COLEC12: variants seen among roughly 807,000 people sequenced by gnomAD.
COLEC12 encodes the protein collectin subfamily member 12.
COLEC12 carries 33 observed loss-of-function variants against 71.1 expected under a neutral mutation model. The observed-to-expected ratio is 0.46, with a 90% CI of 0.35 to 0.62. The LOEUF (loss-of-function observed/expected upper bound fraction) is 0.62. Ranked by LOEUF, COLEC12 falls within the 20% of genes least tolerant of loss-of-function variation. The pLI is 0.00. For synonymous variants in COLEC12, 350 were observed against 353.0 expected (o/e 0.99, Z 0.10); for missense variants, 765 against 916.1 (o/e 0.84, Z 2.13).
At chr18:460,311 G>GTTTTTT (rs1916956817) in intron 2 of COLEC12, among the ~76,000 whole-genome samples, 2 of 151,172 alleles carry the variant, frequency 1.3e-5, no homozygotes, top group African/African-American at 4.9e-5. Context: ...TATGGACTTT[G>GTTTTTT]TGTCACCTTT....
At chr18:371,018 C>T (rs1250612633) in intron 2 of COLEC12, among the ~76,000 whole-genome samples, 4 of 152,218 alleles carry the variant, frequency 2.6e-5, no homozygotes, top group Admixed American at 2.0e-4. Context: ...CTGGACTTCA[C>T]AGCCCTCACT....
At chr18:440,109 G>A (rs1193024840) in intron 2 of COLEC12, among the ~76,000 whole-genome samples, 1 of 151,684 alleles carries the variant, frequency 6.6e-6, no homozygotes. Flanking sequence ...GCCAGACAGA[G>A]AAGACGAATA....
intron 2 of COLEC12, among the ~76,000 whole-genome samples, chr18:468,320 A>G (rs16944972): frequency 6.6e-6 from 1 of 152,084 alleles, no homozygotes; most frequent in Non-Finnish European, 1.5e-5. Context: ...CTTGAATCAC[A>G]TTACATAGAT....
intron 2 of COLEC12, among the ~76,000 whole-genome samples, chr18:442,909 C>A (rs1036352830): frequency 6.6e-6 from 1 of 152,080 alleles, no homozygotes. Context: ...TGCAGTGAGC[C>A]GAGATCCCGC....
rs1446149205 is a variant in COLEC12, at chr18:362,395, T to C, written c.59-4873A>G. ...CTCTGCCCTCCGCTGGGAGGACATC[T>C]GGCCAAACACACGGATGCCTACTAC... On this transcript the variant is annotated intron_variant, in intron 2 of 9. Coordinates refer to ENST00000400256, the MANE Select transcript of COLEC12 (RefSeq NM_130386.3). This position sits in a 1 kb window ranked among gnomAD's most constrained non-coding sequence, Gnocchi z 4.6. 6.6e-6 allele frequency among the ~76,000 whole-genome samples: 1 copy of C among 152,204 alleles called. No homozygotes were observed. The highest frequency in any genetic ancestry group is 1.5e-5 in the Non-Finnish European group (1 of 68,028).
chr18:449,325 C>T (rs1442971396), intron 2 of COLEC12, among the ~76,000 whole-genome samples: 1 of 152,122 alleles, frequency 6.6e-6, no homozygotes, highest in Non-Finnish European at 1.5e-5. Flanking sequence ...ATCTTTGAGG[C>T]TAAGTTGAGA....
At chr18:331,576 T>C in intron 8 of COLEC12, 92 bp downstream of exon 8, 2 of 781,406 alleles carry the variant, frequency 2.6e-6, no homozygotes, top group Non-Finnish European at 4.4e-6. Context: ...GGACACGAGG[T>C]CATTAAGGAA....
chr18:350,167 T>G (rs1221792704), intron 3 of COLEC12, among the ~76,000 whole-genome samples: 1 of 152,212 alleles, frequency 6.6e-6, no homozygotes, highest in Non-Finnish European at 1.5e-5. Context: ...TTACATGTGT[T>G]GTGGGAAGGA....
intron 2 of COLEC12, among the ~76,000 whole-genome samples, chr18:421,328 A>G (rs1051313962): frequency 6.6e-6 from 1 of 152,128 alleles, no homozygotes; most frequent in Non-Finnish European, 1.5e-5. Context: ...ACTATTCCCT[A>G]CGATCAGTAG....
Position 399,613 on chromosome 18 carries a change from T to C in COLEC12, c.59-42091A>G, listed in dbSNP as rs896743390. Reference sequence around the variant, plus strand: ...TCTGAAGCTTTTGTCTAAGTCTCCCTGGCAGGTTATTTGCTTGAGTTTTAA... The same window carrying C: ...TCTGAAGCTTTTGTCTAAGTCTCCCCGGCAGGTTATTTGCTTGAGTTTTAA... On this transcript the variant is annotated intron_variant, in intron 2 of 9. Coordinates refer to ENST00000400256, the MANE Select transcript of COLEC12 (RefSeq NM_130386.3). This position sits in a 1 kb window ranked among gnomAD's most constrained non-coding sequence, Gnocchi z 4.0. Among the ~76,000 whole-genome samples the C allele has an allele frequency of 6.6e-6, 1 of 152,252 alleles. No homozygotes were observed. Among genetic ancestry groups the C allele is most frequent in the Non-Finnish European group, 1.5e-5 (1 of 68,036 alleles).
At chr18:495,119 A>C (rs1917685735) in intron 1 of COLEC12, among the ~76,000 whole-genome samples, 1 of 152,182 alleles carries the variant, frequency 6.6e-6, no homozygotes, top group African/African-American at 2.4e-5. Flanking sequence ...AAACACCCTT[A>C]AGCAATCAGC....
At chr18:436,547 G>GGTGGC (rs1411794124) in intron 2 of COLEC12, among the ~76,000 whole-genome samples, 1 of 149,400 alleles carries the variant, frequency 6.7e-6, no homozygotes, top group Admixed American at 6.7e-5. Context: ...GGGAAACAGG[G>GGTGGC]GTGGCTTTCT....
At position 357,475 on chromosome 18, in the gene COLEC12, G is replaced by A; in HGVS notation, c.106C>T (p.Leu36=). 1 of 1,594,846 alleles carries A rather than the reference G, an allele frequency of 6.3e-7. No individual in the cohort carries two copies. ...TATAATAATATGATAGAAAACTTCA[G>A]TGCCCAGTTATTTTTACATTTGGTA... ...QCTKCKNNWA[L]KFSIILLYIL... Residue 36 remains leucine, a synonymous_variant, in exon 3 of 10, where the codon CTG becomes TTG. Transcript: ENST00000400256.
chr18:410,514 A>G (rs1415071491), intron 2 of COLEC12, among the ~76,000 whole-genome samples: 1 of 151,672 alleles, frequency 6.6e-6, no homozygotes, highest in East Asian at 1.9e-4. Context: ...TCTCAGCTCA[A>G]TGCAACCTCC....
At chr18:379,019 G>C (rs1236154504) in intron 2 of COLEC12, among the ~76,000 whole-genome samples, 1 of 152,160 alleles carries the variant, frequency 6.6e-6, no homozygotes, top group African/African-American at 2.4e-5. Context: ...GGTGGTTTCT[G>C]GCAACCATGC....
At chr18:471,146 G>A (rs1429285595) in intron 2 of COLEC12, among the ~76,000 whole-genome samples, 2 of 152,092 alleles carry the variant, frequency 1.3e-5, no homozygotes, top group Admixed American at 1.3e-4. Flanking sequence ...CTACCAGAGT[G>A]TATAAAAAGA....
chr18:472,498 A>G (rs1019940520), intron 2 of COLEC12, among the ~76,000 whole-genome samples: 11 of 151,978 alleles, frequency 7.2e-5, no homozygotes, highest in African/African-American at 2.7e-4. Context: ...AGGAAACATA[A>G]TGAGACCCCC....
At chr18:400,728 A>G (rs921359691) in intron 2 of COLEC12, among the ~76,000 whole-genome samples, 1 of 152,236 alleles carries the variant, frequency 6.6e-6, no homozygotes, top group Non-Finnish European at 1.5e-5. Context: ...CATCACAGAA[A>G]TGCCTGAGCA....
chr18:354,624 T>C (rs1482547093), intron 3 of COLEC12, among the ~76,000 whole-genome samples: 2 of 152,172 alleles, frequency 1.3e-5, no homozygotes, highest in East Asian at 3.9e-4. Context: ...TCTTACAACA[T>C]TGGGTCACTA....
Sources: gnomAD v4.1 joint callset for allele counts (sites outside exome capture counted in the v4.1 genomes callset) on GRCh38, gnomAD v4.1.1 for gene constraint, Gnocchi (gnomAD v3.1) non-coding constraint, MANE v1.5 for transcripts, NCBI Gene and HGNC (gene_info 2026-07-23, HGNC 2026-07-21) for gene names.